MAP2K3: variants seen among roughly 807,000 people sequenced by gnomAD.
MAP2K3 encodes dual specificity mitogen-activated protein kinase kinase 3.
A neutral mutation model predicts 46.4 loss-of-function variants in MAP2K3; 30 were observed. That is an observed-to-expected ratio of 0.65 (90% CI 0.48 to 0.88). The LOEUF is 0.88. Ranked by LOEUF, MAP2K3 falls within the 40% of genes least tolerant of loss-of-function variation. The pLI, the probability that MAP2K3 is intolerant of heterozygous loss-of-function variation, is 0.00. For missense variants in MAP2K3, 380 were observed against 464.5 expected (o/e 0.82, Z 1.67); for synonymous variants, 189 against 176.3 (o/e 1.07, Z -0.57).
intron 1 of MAP2K3, among the ~76,000 whole-genome samples, chr17:21,297,105 T>C (rs1297276440): frequency 5.9e-5 from 9 of 152,304 alleles, no homozygotes; most frequent in African/African-American, 2.2e-4. Context: ...TTTCCTGTTG[T>C]TCTGGCCTTG....
In MAP2K3 at chr17:21,295,561, T is replaced by G. The variant is rs1288653513; in HGVS notation, c.50-2852T>G. The G allele has an allele frequency of 8.8e-6, 11 of 1,249,846 alleles. No homozygotes were observed. The East Asian group carries it at 5.7e-4, about 64-fold the overall frequency. 77.4% of individuals were successfully genotyped at this position (1,249,846 alleles called of 1,614,324 possible). On this transcript the variant is annotated intron_variant, in intron 1 of 11. Transcript: ENST00000342679. ...CCCAGCTCTGACGTCTGCAGCAGCC[T>G]GAGGCCTGTTTCTAGGCTGTCTCCA...
chr17:21,296,500 G>A (rs1162379561), intron 1 of MAP2K3, among the ~76,000 whole-genome samples: 1 of 152,310 alleles, frequency 6.6e-6, no homozygotes, highest in Admixed American at 6.5e-5. Context: ...TTCCGCCTCA[G>A]GGAGGGCTCC....
intron 5 of MAP2K3, 41 bp from the exon 6 acceptor site, chr17:21,302,102 G>C: frequency 6.2e-7 from 1 of 1,604,352 alleles, no homozygotes; most frequent in South Asian, 1.1e-5. Context: ...GCAGACACGG[G>C]CAGCCCGGCA....
chr17:21,296,451 G>A (rs960517984), intron 1 of MAP2K3, among the ~76,000 whole-genome samples: 2 of 152,310 alleles, frequency 1.3e-5, no homozygotes, highest in African/African-American at 4.8e-5. Flanking sequence ...TCCAGACTCT[G>A]TTGCCGTTTC....
chr17:21,298,788 C>A (rs1311496256), intron 2 of MAP2K3, 90 bp from the exon 3 acceptor site: 1 of 1,595,054 alleles, frequency 6.3e-7, no homozygotes, highest in East Asian at 2.2e-5. Flanking sequence ...ACCTCGTCCC[C>A]ACGCCAGGCC....
At position 21,311,966 on chromosome 17, in the gene MAP2K3, T is replaced by C. The variant is rs1295151042; in HGVS notation, c.775-176T>C. 6.9e-6 allele frequency: 4 copies of C among 577,306 alleles called. No homozygotes were observed. The Middle Eastern group carries it at 1.4e-3, about 197-fold the overall frequency. The allele number at this position is 577,306 out of a possible 1,614,324, so 35.8% of individuals were successfully genotyped here. A position where few individuals can be genotyped will look rare whatever the true frequency, so the allele number is the denominator to read the frequency against. On this transcript the variant is annotated intron_variant, in intron 9 of 11. Coordinates refer to ENST00000342679, the MANE Select transcript of MAP2K3 (RefSeq NM_145109.3). The stretch of plus-strand genomic sequence containing the variant: ...TGGCTGGGTCGGAGGAGCTAAGAGC[T>C]GGCATCCCCGGCTTTCTCGCCTTTG...
chr17:21,299,011 G>GA, intron 3 of MAP2K3, 85 bp downstream of exon 3: 1 of 1,578,226 alleles, frequency 6.3e-7, no homozygotes, highest in South Asian at 1.1e-5. Flanking sequence ...ACTTTGGGGG[G>GA]AGGTGACTGA....
chr17:21,288,061 G>T, intron 1 of MAP2K3: 2 of 1,289,348 alleles, frequency 1.6e-6, no homozygotes, highest in South Asian at 1.2e-5. Context: ...CCCGTGTGAG[G>T]AGAAGGCCGG....
At chr17:21,289,913 C>G (rs1174534363) in intron 1 of MAP2K3, among the ~76,000 whole-genome samples, 1 of 152,260 alleles carries the variant, frequency 6.6e-6, no homozygotes, top group Non-Finnish European at 1.5e-5. Context: ...GTCCAGCTGT[C>G]CCTCTCCCAG....
At position 21,284,884 on chromosome 17, in the gene MAP2K3, G is replaced by C; in HGVS notation, c.-37G>C. On this transcript the variant is annotated 5_prime_UTR_variant, in exon 1 of 12. Transcript: ENST00000342679. ...CCCCGGTGGAGCCCGCAGTCCTCTA[G>C]ATTAGTCTCCACCGCCGTCCAGGAC... 1 of 1,610,034 alleles carries C rather than the reference G, an allele frequency of 6.2e-7. No homozygotes were observed. Among genetic ancestry groups the C allele is most frequent in the Non-Finnish European group, 8.5e-7 (1 of 1,178,584 alleles).
intron 1 of MAP2K3, among the ~76,000 whole-genome samples, chr17:21,296,686 T>G (rs527436853): frequency 8.5e-4 from 130 of 152,396 alleles, no homozygotes; most frequent in Non-Finnish European, 1.6e-3. Flanking sequence ...CCTGTAGGGC[T>G]GTGGGAGTAT....
chr17:21,288,919 GC>G (rs1975801078), intron 1 of MAP2K3, among the ~76,000 whole-genome samples: 1 of 152,252 alleles, frequency 6.6e-6, no homozygotes, highest in African/African-American at 2.4e-5. Flanking sequence ...GCCCTCTTTA[GC>G]CCTCAGTCTC....
intron 1 of MAP2K3, among the ~76,000 whole-genome samples, chr17:21,292,344 C>G (rs971009752): frequency 6.6e-6 from 1 of 152,306 alleles, no homozygotes; most frequent in South Asian, 2.1e-4. Flanking sequence ...TGTTTCTCCT[C>G]GGAATACTCT....
chr17:21,297,989 C>T (rs1041666006), intron 1 of MAP2K3, among the ~76,000 whole-genome samples: 4 of 149,616 alleles, frequency 2.7e-5, no homozygotes, highest in Admixed American at 2.0e-4. Flanking sequence ...TGAGCCCCAT[C>T]CTGCTACCTG....
chr17:21,304,212 A>T (rs1976762350), intron 7 of MAP2K3, among the ~76,000 whole-genome samples: 1 of 152,312 alleles, frequency 6.6e-6, no homozygotes, highest in Admixed American at 6.5e-5. Flanking sequence ...CTGTTCCCTG[A>T]GGACCAAGTA....
At chr17:21,296,252 A>C (rs1976243348) in intron 1 of MAP2K3, 1 of 1,227,344 alleles carries the variant, frequency 8.1e-7, no homozygotes, top group Non-Finnish European at 1.1e-6. Context: ...TACATGAGGA[A>C]CCCAAGGTGC....
intron 1 of MAP2K3, among the ~76,000 whole-genome samples, chr17:21,291,179 G>A (rs1975902599): frequency 6.6e-6 from 1 of 152,306 alleles, no homozygotes; most frequent in Non-Finnish European, 1.5e-5. Flanking sequence ...GGGAGGCGGA[G>A]CTTGCAGTGA....
At chr17:21,297,008 G>A (rs1013872276) in intron 1 of MAP2K3, among the ~76,000 whole-genome samples, 5 of 152,304 alleles carry the variant, frequency 3.3e-5, no homozygotes, top group Middle Eastern at 3.2e-3. Flanking sequence ...TGGAAAGGCT[G>A]CAGGTATCTG....
At chr17:21,297,339 C>T (rs1423236804) in intron 1 of MAP2K3, among the ~76,000 whole-genome samples, 1 of 152,308 alleles carries the variant, frequency 6.6e-6, no homozygotes, top group Admixed American at 6.5e-5. Context: ...CCAGGGTGAG[C>T]CAGCAGCAGG....
Sources: gnomAD v4.1 joint callset for allele counts (sites outside exome capture counted in the v4.1 genomes callset) on GRCh38, gnomAD v4.1.1 for gene constraint, MANE v1.5 for transcripts, NCBI Gene and HGNC (gene_info 2026-07-23, HGNC 2026-07-21) for gene names.